The following RNF220 variants were observed in gnomAD, a reference collection of about 807,000 sequenced individuals.
The protein encoded by RNF220 is ring finger protein 220.
In RNF220, 7 loss-of-function variants were observed where a neutral mutation model predicts 67.1. That is an observed-to-expected ratio of 0.10 (90% confidence interval 0.06 to 0.20). The LOEUF (loss-of-function observed/expected upper bound fraction) is 0.20. Ranked by LOEUF, RNF220 falls within the 10% of genes least tolerant of loss-of-function variation. The probability of loss-of-function intolerance (pLI) is 1.00; values close to 1 mark genes in which losing one functional copy is unlikely to be tolerated. For synonymous variants in RNF220, 270 were observed against 283.2 expected, an observed-to-expected ratio of 0.95 and a Z score of 0.47; for missense variants, 565 against 740.3, an observed-to-expected ratio of 0.76 and a Z score of 2.75.
In RNF220 at chr1:44,649,750, A is replaced by ACTT; in HGVS notation, c.1536_1537insTTC (p.Tyr512_Lys513insPhe). On this transcript the variant is annotated inframe_insertion, in exon 13 of 15. Transcript: ENST00000361799. This position sits in a 1 kb window ranked among gnomAD's most constrained non-coding sequence, Gnocchi z 5.9. Reference sequence around the variant, plus strand: ...CGGCAGCTATCTCGTGGGGACCGTTACAAATGCCTCATCTGCATGGTGAGT... The same window carrying ACTT: ...CGGCAGCTATCTCGTGGGGACCGTTACTTCAAATGCCTCATCTGCATGGTGAGT... The ACTT allele has an allele frequency of 6.2e-7, 1 of 1,614,046 alleles. No homozygotes were observed. The highest frequency in any genetic ancestry group is 8.5e-7 in the Non-Finnish European group (1 of 1,179,958).
intron 2 of RNF220, among the ~76,000 whole-genome samples, chr1:44,515,337 A>G (rs2148136892): frequency 6.6e-6 from 1 of 152,280 alleles, no homozygotes; most frequent in African/African-American, 2.4e-5. Flanking sequence ...AGGTCAACAC[A>G]ATTGAGTAGA....
chr1:44,515,909 C>T (rs953753293), intron 2 of RNF220, among the ~76,000 whole-genome samples: 20 of 152,166 alleles, frequency 1.3e-4, no homozygotes, highest in African/African-American at 3.1e-4. Context: ...TCCTTTCACC[C>T]GGACCTGAAA....
intron 2 of RNF220, among the ~76,000 whole-genome samples, chr1:44,454,604 G>GT (rs1278223346): frequency 6.8e-6 from 1 of 146,790 alleles, no homozygotes; most frequent in Non-Finnish European, 1.5e-5. Flanking sequence ...CAAGTTTATT[G>GT]TTTTTTTGTT....
intron 8 of RNF220, among the ~76,000 whole-genome samples, chr1:44,640,984 A>C (rs1041715867): frequency 6.6e-6 from 1 of 152,152 alleles, no homozygotes; most frequent in Non-Finnish European, 1.5e-5. Flanking sequence ...TACTGCCCCC[A>C]GTAAACGGGC....
chr1:44,630,843 G>C (rs1338413919), intron 5 of RNF220, among the ~76,000 whole-genome samples: 1 of 152,242 alleles, frequency 6.6e-6, no homozygotes, highest in African/African-American at 2.4e-5. Context: ...TGAGAGAAGA[G>C]TCTGGCAAGG....
chr1:44,456,069 T>A (rs1345893494), intron 2 of RNF220, among the ~76,000 whole-genome samples: 1 of 152,182 alleles, frequency 6.6e-6, no homozygotes, highest in Non-Finnish European at 1.5e-5. Flanking sequence ...GAATAAGGAT[T>A]CTCTTAATTT....
intron 2 of RNF220, among the ~76,000 whole-genome samples, chr1:44,601,574 G>C (rs571328444): frequency 6.6e-6 from 1 of 152,272 alleles, no homozygotes; most frequent in Admixed American, 6.5e-5. Flanking sequence ...GAGGATGCCT[G>C]TTCCACTGAA....
intron 2 of RNF220, among the ~76,000 whole-genome samples, chr1:44,428,263 C>T (rs879048935): frequency 6.6e-6 from 1 of 152,166 alleles, no homozygotes; most frequent in Non-Finnish European, 1.5e-5. Context: ...TGTTCTATGC[C>T]TCTGCCTGGT....
chr1:44,623,722 C>T (rs568535690), intron 4 of RNF220, among the ~76,000 whole-genome samples: 2 of 152,232 alleles, frequency 1.3e-5, no homozygotes, highest in African/African-American at 2.4e-5. Flanking sequence ...CTGAGGGACT[C>T]CTGCACTTGG....
rs139350538 is a variant in RNF220 at position 44,634,753 on chromosome 1, G to A, written c.950-792G>A. ...TTGCATTGCTCAGCATTAATTAGCA[G>A]TGTTGTGGGCTTGCAGTGTGCACTT... On this transcript the variant is annotated intron_variant, in intron 6 of 14. Transcript: ENST00000361799. Among the ~76,000 whole-genome samples, 126 of 152,368 alleles carry A rather than the reference G, an allele frequency of 8.3e-4. 1 individual carries two copies. The highest frequency in any genetic ancestry group is 3.4e-3 in the Middle Eastern group (1 of 294).
intron 2 of RNF220, among the ~76,000 whole-genome samples, chr1:44,509,332 C>T (rs1360715967): frequency 2.0e-5 from 3 of 151,968 alleles, no homozygotes; most frequent in Non-Finnish European, 2.9e-5. Flanking sequence ...GGGCAGATCA[C>T]GAGGTCAGGA....
chr1:44,461,322 C>A (rs1325105808), intron 2 of RNF220, among the ~76,000 whole-genome samples: 1 of 152,044 alleles, frequency 6.6e-6, no homozygotes, highest in Non-Finnish European at 1.5e-5. Flanking sequence ...CCTTTAAAGA[C>A]CCTGGAAGAG....
intron 2 of RNF220, among the ~76,000 whole-genome samples, chr1:44,504,356 G>A (rs2148100116): frequency 6.6e-6 from 1 of 152,318 alleles, no homozygotes; most frequent in Admixed American, 6.5e-5. Flanking sequence ...CCAAGGATGT[G>A]GATATGAATG....
intron 2 of RNF220, among the ~76,000 whole-genome samples, chr1:44,575,254 A>G (rs1664724115): frequency 6.6e-6 from 1 of 152,170 alleles, no homozygotes; most frequent in Admixed American, 6.5e-5. Context: ...GCTCCCACAT[A>G]TCAGTGAGAA....
rs1553120199 is a variant in RNF220 at position 44,605,296 on chromosome 1, CA to C, written c.626-8853del. Among the ~76,000 whole-genome samples, 372 of 52,084 alleles carry C rather than the reference CA, an allele frequency of 7.1e-3. 1 individual carries two copies. Among genetic ancestry groups the C allele is most frequent in the Admixed American group, 0.018 (97 of 5,502 alleles). The allele number at this position is 52,084 out of a possible 152,430, so 34.2% of individuals were successfully genotyped here. A position where few individuals can be genotyped will look rare whatever the true frequency, so the allele number is the denominator to read the frequency against. ...CCTGTGACAGAGTGAGACTCCGTCT[CA>C]AAAAAAAAAAAAAAAGAAAAGAAAA... On this transcript the variant is annotated intron_variant, in intron 2 of 14. Coordinates refer to ENST00000361799, the MANE Select transcript of RNF220 (RefSeq NM_018150.4).
rs180676609 is a variant in RNF220, at chr1:44,549,644, C to A, written c.626-64521C>A. ...ATTCTAGTGACCCCTTCCTCCCCTT[C>A]CTCCTGCTGCTTCTTAACTGGGGGA... On this transcript the variant is annotated intron_variant, in intron 2 of 14. Coordinates refer to ENST00000361799, the MANE Select transcript of RNF220 (RefSeq NM_018150.4). 3.2e-3 allele frequency among the ~76,000 whole-genome samples: 483 copies of A among 152,320 alleles called. 1 individual carries two copies. The highest frequency in any genetic ancestry group is 0.011 in the African/African-American group (464 of 41,576).
rs1256275620 is a variant in RNF220, at chr1:44,617,502, T to C, written c.758+3205T>C. Among the ~76,000 whole-genome samples the C allele has an allele frequency of 2.0e-5, 3 of 152,234 alleles. No individual in the cohort carries two copies. In the South Asian group the frequency reaches 6.2e-4, roughly 32 times the overall value. On this transcript the variant is annotated intron_variant, in intron 3 of 14. Transcript: ENST00000361799. Reference sequence around the variant, plus strand: ...CCAATTAACATTGTAATTGGGTGCGTGATAAATTCCCAAGGAGCGTGTCAG... The same window carrying C: ...CCAATTAACATTGTAATTGGGTGCGCGATAAATTCCCAAGGAGCGTGTCAG...
intron 2 of RNF220, among the ~76,000 whole-genome samples, chr1:44,612,009 G>T (rs1210927972): frequency 6.6e-6 from 1 of 152,182 alleles, no homozygotes; most frequent in Non-Finnish European, 1.5e-5. Flanking sequence ...GCTGAGACTG[G>T]ACGCCTCATC....
chr1:44,614,160 A>G lies in RNF220; in HGVS notation c.626-5A>G, dbSNP rs1329916257. On this transcript the variant is annotated splice_polypyrimidine_tract_variant and splice_region_variant and intron_variant, in intron 2 of 14. Coordinates refer to ENST00000361799, the MANE Select transcript of RNF220 (RefSeq NM_018150.4). ...CGCGTCTGTCTGTTCTTCTCCCCTC[A>G]CTAGGTAAGAAGAAAGCAGCGGCAT... The G allele has an allele frequency of 6.2e-7, 1 of 1,614,104 alleles. No individual in the cohort carries two copies. The highest frequency in any genetic ancestry group is 1.1e-5 in the South Asian group (1 of 91,054).
Sources: allele counts gnomAD v4.1 joint callset (sites outside exome capture counted in the v4.1 genomes callset), GRCh38; gene constraint gnomAD v4.1.1; non-coding constraint Gnocchi (gnomAD v3.1); transcripts MANE v1.5; gene names NCBI Gene and HGNC (gene_info 2026-07-23, HGNC 2026-07-21).